FYTTD1: variants seen among roughly 807,000 people sequenced by gnomAD.
The protein encoded by FYTTD1 is forty-two-three domain containing 1.
FYTTD1 carries 22 observed loss-of-function variants against 40.9 expected under a neutral mutation model. The ratio of observed to expected loss-of-function variants is 0.54; its 90% CI spans 0.38 to 0.77. The LOEUF (loss-of-function observed/expected upper bound fraction) is 0.77, where lower values mean the gene tolerates loss of function less well. FYTTD1 is among the 30% of genes least tolerant of loss of function. FYTTD1 has a pLI of 0.00. For synonymous variants in FYTTD1, 140 were observed against 137.9 expected, an observed-to-expected ratio of 1.01 and a Z score of -0.10; for missense variants, 351 against 392.2, an observed-to-expected ratio of 0.90 and a Z score of 0.89.
Position 197,774,131 on chromosome 3 carries a change from C to G in FYTTD1, c.595-18C>G. Reference sequence around the variant, plus strand: ...CCTCTGCTTTCTGTGGTACCTACTGCTTTTTTTTTCCCTTCAGGTGCAGGC... The same window carrying G: ...CCTCTGCTTTCTGTGGTACCTACTGGTTTTTTTTTCCCTTCAGGTGCAGGC... On this transcript the variant is annotated intron_variant, in intron 5 of 8. Coordinates refer to ENST00000241502, the MANE Select transcript of FYTTD1 (RefSeq NM_032288.7). 5.0e-6 allele frequency: 8 copies of G among 1,590,938 alleles called. No individual in the cohort carries two copies. The highest frequency in any genetic ancestry group is 6.9e-6 in the Non-Finnish European group (8 of 1,161,008).
chr3:197,756,935 A>G (rs1199498625), intron 2 of FYTTD1, among the ~76,000 whole-genome samples: 1 of 152,244 alleles, frequency 6.6e-6, no homozygotes, highest in African/African-American at 2.4e-5. Context: ...GTGAAAGAGC[A>G]TACTACCTCA....
chr3:197,750,580 C>G (rs9883096), intron 1 of FYTTD1: 6 of 982,226 alleles, frequency 6.1e-6, no homozygotes, highest in Non-Finnish European at 7.2e-6. Flanking sequence ...CCCTGGTCGC[C>G]GGGCGTTCCA....
intron 7 of FYTTD1, among the ~76,000 whole-genome samples, chr3:197,777,282 G>A (rs112209101): frequency 7.8e-4 from 119 of 152,188 alleles, no homozygotes; most frequent in Middle Eastern, 6.8e-3. Flanking sequence ...TTGGAGGCAA[G>A]GTCTGGCTCT....
At chr3:197,764,834 G>C (rs1392987954) in intron 2 of FYTTD1, among the ~76,000 whole-genome samples, 5 of 151,640 alleles carry the variant, frequency 3.3e-5, no homozygotes, top group Admixed American at 3.3e-4. Flanking sequence ...CCAAGGGATG[G>C]AGTTCTATTC....
intron 8 of FYTTD1, among the ~76,000 whole-genome samples, chr3:197,780,927 A>AT (rs1476037206): frequency 6.6e-6 from 1 of 151,982 alleles, no homozygotes; most frequent in African/African-American, 2.4e-5. Flanking sequence ...TATGCTGAGA[A>AT]TTTTTATCAA....
rs887538602 is a variant in FYTTD1 at position 197,783,771 on chromosome 3, T to C, written c.*1862T>C. On this transcript the variant is annotated 3_prime_UTR_variant, in exon 9 of 9. Coordinates refer to ENST00000241502, the MANE Select transcript of FYTTD1 (RefSeq NM_032288.7). ...GTCTTTAGAATGGTTTGTGAAAATA[T>C]GGTATAAAGGTGTTTTCATTTTCCT... 4 of 152,366 alleles carry C rather than the reference T, an allele frequency of 2.6e-5. No individual in the cohort carries two copies. The highest frequency in any genetic ancestry group is 1.3e-4 in the Admixed American group (2 of 15,286). 9.4% of individuals were successfully genotyped at this position (152,366 alleles called of 1,614,324 possible). A position where few individuals can be genotyped will look rare whatever the true frequency, so the allele number is the denominator to read the frequency against.
rs189600594 is a variant in FYTTD1, at chr3:197,768,995, C to T, written c.384+408C>T. Reference sequence around the variant, plus strand: ...GGCCAGGCTGGTCTCGAACTCCTGACCTCAAGTGATCTGCCCACCTTGGCC... The same window carrying T: ...GGCCAGGCTGGTCTCGAACTCCTGATCTCAAGTGATCTGCCCACCTTGGCC... On this transcript the variant is annotated intron_variant, in intron 3 of 8. Coordinates refer to ENST00000241502, the MANE Select transcript of FYTTD1 (RefSeq NM_032288.7). Among the ~76,000 whole-genome samples, 166 of 151,940 alleles carry T rather than the reference C, an allele frequency of 1.1e-3. 7 individuals are homozygous for T. In the East Asian group the frequency reaches 0.022, roughly 20 times the overall value.
chr3:197,750,295 C>T (rs1457952222), intron 1 of FYTTD1: 2 of 1,059,228 alleles, frequency 1.9e-6, no homozygotes, highest in Non-Finnish European at 1.2e-6. Flanking sequence ...TCGGCCGCGG[C>T]AGTCGGAGGA....
Position 197,782,774 on chromosome 3 carries a change from A to G in FYTTD1, c.*865A>G, listed in dbSNP as rs1033654732. The G allele has an allele frequency of 1.3e-5, 2 of 152,228 alleles. No individual in the cohort carries two copies. The highest frequency in any genetic ancestry group is 2.9e-5 in the Non-Finnish European group (2 of 68,030). 9.4% of individuals were successfully genotyped at this position (152,228 alleles called of 1,614,324 possible). ...TTGAGTCTAGCGTCCACAAAGAATT[A>G]TTCAAATGATATTTAGAAGAATTAT... On this transcript the variant is annotated 3_prime_UTR_variant, in exon 9 of 9. Coordinates refer to ENST00000241502, the MANE Select transcript of FYTTD1 (RefSeq NM_032288.7).
At chr3:197,762,750 C>T (rs867305939) in intron 2 of FYTTD1, among the ~76,000 whole-genome samples, 14 of 151,888 alleles carry the variant, frequency 9.2e-5, no homozygotes, top group Middle Eastern at 3.4e-3. Context: ...GGCGTGGTAG[C>T]GGGCACCTGT....
intron 1 of FYTTD1, among the ~76,000 whole-genome samples, chr3:197,752,700 A>G (rs764439126): frequency 1.2e-4 from 19 of 152,004 alleles, no homozygotes; most frequent in Non-Finnish European, 2.2e-4. Context: ...TACACTACAT[A>G]TATGTGTGTA....
rs1729192074 is a variant in FYTTD1, at chr3:197,755,647, TA to T, written c.104-778del. ...TTATTTATTTATTTATTTATTTATT[TA>T]TTTATTTATTTGTATTTTTAGTAGA... On this transcript the variant is annotated intron_variant, in intron 1 of 8. Transcript: ENST00000241502. 30 of 243,894 alleles carry T rather than the reference TA, an allele frequency of 1.2e-4. 1 individual carries two copies. Among genetic ancestry groups the T allele is most frequent in the Middle Eastern group, 2.8e-3 (2 of 718 alleles). The allele number at this position is 243,894 out of a possible 1,614,324, so 15.1% of individuals were successfully genotyped here. A position where few individuals can be genotyped will look rare whatever the true frequency, so the allele number is the denominator to read the frequency against.
At chr3:197,755,111 G>A (rs149449623) in intron 1 of FYTTD1, among the ~76,000 whole-genome samples, 1 of 152,132 alleles carries the variant, frequency 6.6e-6, no homozygotes, top group South Asian at 2.1e-4. Context: ...AGTATGTTTG[G>A]AAGTAATGAG....
chr3:197,764,392 C>T (rs1055774825), intron 2 of FYTTD1, among the ~76,000 whole-genome samples: 13 of 152,056 alleles, frequency 8.5e-5, no homozygotes, highest in African/African-American at 1.9e-4. Flanking sequence ...GGTGGGAGAA[C>T]GAATCATATA....
rs558753665 is a variant in FYTTD1, at chr3:197,776,609, C to T, written c.657-318C>T. On this transcript the variant is annotated intron_variant, in intron 6 of 8. Coordinates refer to ENST00000241502, the MANE Select transcript of FYTTD1 (RefSeq NM_032288.7). ...CAGTAAAAACAGGTTAAAAGTGCTGCCTCTGGAGAGTAGGAATAGAAAGCA... is the reference window on the plus strand; with the variant it reads ...CAGTAAAAACAGGTTAAAAGTGCTGTCTCTGGAGAGTAGGAATAGAAAGCA... Among the ~76,000 whole-genome samples, 3 of 151,852 alleles carry T rather than the reference C, an allele frequency of 2.0e-5. No individual in the cohort carries two copies. In the East Asian group the frequency reaches 5.8e-4, roughly 29 times the overall value.
chr3:197,767,911 C>CG (rs1174528884), intron 2 of FYTTD1, among the ~76,000 whole-genome samples: 1 of 152,142 alleles, frequency 6.6e-6, no homozygotes, highest in African/African-American at 2.4e-5. Flanking sequence ...TTGCAGTGTG[C>CG]TGTCATAAGT....
intron 1 of FYTTD1, chr3:197,750,875 G>C: frequency 1.0e-6 from 1 of 984,026 alleles, no homozygotes; most frequent in Non-Finnish European, 1.2e-6. Context: ...GTTTCTTGCC[G>C]ATTATATAAA....
Position 197,764,393 on chromosome 3 carries a change from G to A in FYTTD1, c.236-4046G>A, listed in dbSNP as rs1729477125. ...TTCAAAGGTAGAAAGGTGGGAGAAC[G>A]AATCATATAGGCCTGATTAGAAAGC... On this transcript the variant is annotated intron_variant, in intron 2 of 8. Coordinates refer to ENST00000241502, the MANE Select transcript of FYTTD1 (RefSeq NM_032288.7). 1.3e-5 allele frequency among the ~76,000 whole-genome samples: 2 copies of A among 152,164 alleles called. 1 individual carries two copies. Among genetic ancestry groups the A allele is most frequent in the South Asian group, 4.1e-4 (2 of 4,824 alleles).
intron 2 of FYTTD1, among the ~76,000 whole-genome samples, chr3:197,761,573 G>T (rs1316971964): frequency 6.6e-6 from 1 of 152,190 alleles, no homozygotes; most frequent in Admixed American, 6.5e-5. Flanking sequence ...TTCTTCAGTG[G>T]TAGAATGTAT....
Sources: allele counts gnomAD v4.1 joint callset (sites outside exome capture counted in the v4.1 genomes callset), GRCh38; gene constraint gnomAD v4.1.1; transcripts MANE v1.5; gene names NCBI Gene and HGNC (gene_info 2026-07-23, HGNC 2026-07-21).